Variants in KCNIP4 observed in about 807,000 individuals in gnomAD.
KCNIP4 encodes Kv channel-interacting protein 4.
A neutral mutation model predicts 34.0 loss-of-function variants in KCNIP4; 12 were observed. The observed-to-expected ratio is 0.35, with a 90% CI of 0.23 to 0.57. KCNIP4 has a LOEUF of 0.57. Among genes scored for constraint, KCNIP4 ranks in the 20% least tolerant of loss-of-function variants. The probability of loss-of-function intolerance (pLI) is 0.83; values close to 1 mark genes in which losing one functional copy is unlikely to be tolerated. For missense variants in KCNIP4, 238 were observed against 311.7 expected, an observed-to-expected ratio of 0.76 and a Z score of 1.78; for synonymous variants, 124 against 102.2, an observed-to-expected ratio of 1.21 and a Z score of -1.29.
intron 1 of KCNIP4, among the ~76,000 whole-genome samples, chr4:21,469,572 T>C (rs1730284324): frequency 1.3e-5 from 2 of 152,218 alleles, no homozygotes; most frequent in African/African-American, 4.8e-5. Context: ...TACAAATAAC[T>C]TGGGAAACAA....
intron 1 of KCNIP4, among the ~76,000 whole-genome samples, chr4:21,733,738 G>A (rs1308938765): frequency 6.6e-6 from 1 of 152,070 alleles, no homozygotes; most frequent in African/African-American, 2.4e-5. Flanking sequence ...GTGGGGAGTG[G>A]GGAGGATAAC....
At chr4:21,242,381 T>C (rs1485119832) in intron 1 of KCNIP4, among the ~76,000 whole-genome samples, 1 of 152,122 alleles carries the variant, frequency 6.6e-6, no homozygotes, top group African/African-American at 2.4e-5. Context: ...ATGCATTTTT[T>C]TGAGACTGCC....
chr4:21,456,269 C>T (rs538646936), intron 1 of KCNIP4, among the ~76,000 whole-genome samples: 29 of 147,650 alleles, frequency 2.0e-4, no homozygotes, highest in South Asian at 1.1e-3. Context: ...ATTCCTTGCC[C>T]TTTCCAGTTC....
chr4:21,697,651 G>A (rs1334898958), intron 1 of KCNIP4: 4 of 1,302,634 alleles, frequency 3.1e-6, no homozygotes, highest in African/African-American at 1.5e-5. Flanking sequence ...GTAACAGGGA[G>A]GTGAGAAAAC....
intron 1 of KCNIP4, among the ~76,000 whole-genome samples, chr4:21,532,685 T>G (rs1319664363): frequency 1.3e-5 from 2 of 152,152 alleles, no homozygotes; most frequent in African/African-American, 4.8e-5. Context: ...TCAATCTGTA[T>G]GTATGAACTT....
chr4:21,214,361 T>C (rs1463088454), intron 1 of KCNIP4, among the ~76,000 whole-genome samples: 18 of 152,202 alleles, frequency 1.2e-4, no homozygotes, highest in Admixed American at 1.1e-3. Flanking sequence ...TTTCTTTTGT[T>C]GTGTTCTTTA....
At chr4:21,291,935 G>A (rs11735238) in intron 1 of KCNIP4, among the ~76,000 whole-genome samples, 1,249 of 74,160 alleles carry the variant, frequency 0.017, 96 homozygotes, top group Middle Eastern at 0.028. Flanking sequence ...AAGAAAGAAA[G>A]AAAAAAAAAG....
chr4:21,881,870 G>A (rs1726480307), intron 1 of KCNIP4, among the ~76,000 whole-genome samples: 1 of 151,974 alleles, frequency 6.6e-6, no homozygotes, highest in Non-Finnish European at 1.5e-5. Flanking sequence ...TAAAACAAAT[G>A]CTACCAGTAC....
chr4:21,810,209 G>C (rs1721544844), intron 1 of KCNIP4, among the ~76,000 whole-genome samples: 1 of 152,172 alleles, frequency 6.6e-6, no homozygotes, highest in South Asian at 2.1e-4. Flanking sequence ...CCACATATCT[G>C]CTATGTGATC....
intron 1 of KCNIP4, among the ~76,000 whole-genome samples, chr4:21,503,125 AT>A (rs1733501794): frequency 6.6e-6 from 1 of 152,154 alleles, no homozygotes; most frequent in African/African-American, 2.4e-5. Context: ...TCTATACTTC[AT>A]TTTTATAAAG....
chr4:21,467,601 CAGAT>C lies in KCNIP4; in HGVS notation c.61+480966_61+480969del, dbSNP rs1306600257. ...GTGGATATCTTCATAAAAACATTCT[CAGAT>C]AGAGCATCTCATGTAATTCACAGCA... On this transcript the variant is annotated intron_variant, in intron 1 of 8. Coordinates refer to ENST00000382152, the MANE Select transcript of KCNIP4 (RefSeq NM_025221.6). Among the ~76,000 whole-genome samples the C allele has an allele frequency of 1.7e-4, 26 of 152,284 alleles. 1 individual carries two copies. In the East Asian group the frequency reaches 4.4e-3, roughly 26 times the overall value.
intron 1 of KCNIP4, among the ~76,000 whole-genome samples, chr4:21,003,394 A>G (rs1045719282): frequency 6.6e-6 from 1 of 152,220 alleles, no homozygotes; most frequent in African/African-American, 2.4e-5. Flanking sequence ...TAAGGCAATT[A>G]CTTTGAATAC....
chr4:21,495,672 G>A (rs1053621262), intron 1 of KCNIP4, among the ~76,000 whole-genome samples: 3 of 151,808 alleles, frequency 2.0e-5, no homozygotes, highest in Non-Finnish European at 4.4e-5. Flanking sequence ...GTACAGACAT[G>A]TTATTATCCA....
intron 1 of KCNIP4, among the ~76,000 whole-genome samples, chr4:20,925,080 C>T (rs1472298238): frequency 6.6e-6 from 1 of 152,118 alleles, no homozygotes; most frequent in Non-Finnish European, 1.5e-5. Flanking sequence ...ACTATTTTCT[C>T]ATAAAACAGG....
intron 1 of KCNIP4, among the ~76,000 whole-genome samples, chr4:21,736,216 G>A (rs1023639646): frequency 1.3e-5 from 2 of 152,036 alleles, no homozygotes; most frequent in African/African-American, 4.8e-5. Flanking sequence ...GGAAACCACT[G>A]AGATTTTGGG....
At chr4:20,810,672 G>T (rs1003620957) in intron 3 of KCNIP4, among the ~76,000 whole-genome samples, 2 of 152,134 alleles carry the variant, frequency 1.3e-5, no homozygotes, top group African/African-American at 2.4e-5. Context: ...TCACCAAGAT[G>T]AACAGAAAGA....
At chr4:21,575,942 G>A (rs1465975733) in intron 1 of KCNIP4, among the ~76,000 whole-genome samples, 1 of 152,178 alleles carries the variant, frequency 6.6e-6, no homozygotes, top group Non-Finnish European at 1.5e-5. Context: ...AGAGTCATCA[G>A]ATGGAAGGAG....
At chr4:21,102,783 G>A (rs1201104226) in intron 1 of KCNIP4, among the ~76,000 whole-genome samples, 1 of 152,104 alleles carries the variant, frequency 6.6e-6, no homozygotes, top group Non-Finnish European at 1.5e-5. Context: ...GGCTTATAAA[G>A]AACATTTGCT....
At chr4:21,243,576 A>C (rs144134404) in intron 1 of KCNIP4, among the ~76,000 whole-genome samples, 5 of 152,130 alleles carry the variant, frequency 3.3e-5, no homozygotes, top group Non-Finnish European at 7.4e-5. Flanking sequence ...ACTTTAATCT[A>C]TCGTATCAAC....
Sources: allele counts gnomAD v4.1 joint callset (sites outside exome capture counted in the v4.1 genomes callset), GRCh38; gene constraint gnomAD v4.1.1; transcripts MANE v1.5; gene names NCBI Gene and HGNC (gene_info 2026-07-23, HGNC 2026-07-21).